EVC: variants seen among roughly 807,000 people sequenced by gnomAD.
EVC encodes evC complex member EVC.
A neutral mutation model predicts 118.9 loss-of-function variants in EVC; 116 were observed. The ratio of observed to expected loss-of-function variants is 0.98; its 90% CI spans 0.84 to 1.14. The LOEUF (loss-of-function observed/expected upper bound fraction) is 1.14. Ranked by LOEUF, EVC falls within the 50% of genes most tolerant of loss-of-function variation. The probability of loss-of-function intolerance (pLI) is 0.00; values close to 1 mark genes in which losing one functional copy is unlikely to be tolerated. For synonymous variants in EVC, 619 were observed against 534.7 expected, an observed-to-expected ratio of 1.16 and a Z score of -2.18; for missense variants, 1,401 against 1,246.4, an observed-to-expected ratio of 1.12 and a Z score of -1.87.
intron 5 of EVC, 105 bp downstream of exon 5, chr4:5,733,540 G>A (rs1244713432): frequency 4.9e-6 from 5 of 1,011,108 alleles, no homozygotes; most frequent in Admixed American, 1.7e-5. Context: ...GCAGACATCA[G>A]TGGAAACAGA....
intron 1 of EVC, among the ~76,000 whole-genome samples, chr4:5,714,109 T>G (rs1723542032): frequency 6.6e-6 from 1 of 152,178 alleles, no homozygotes; most frequent in Admixed American, 6.5e-5. Context: ...GGTCCTTTCT[T>G]AGACTCTATC....
chr4:5,796,467 T>C (rs776797367), intron 13 of EVC, among the ~76,000 whole-genome samples: 11 of 152,084 alleles, frequency 7.2e-5, no homozygotes, highest in Non-Finnish European at 1.5e-5. Flanking sequence ...ACTCCACCCA[T>C]GTTGGAATTT....
At chr4:5,785,778 G>T (rs1484326531) in intron 12 of EVC, among the ~76,000 whole-genome samples, 3 of 152,232 alleles carry the variant, frequency 2.0e-5, no homozygotes, top group Non-Finnish European at 1.5e-5. Context: ...CAATAATGCA[G>T]CTTTGGAAAT....
the EVC span, chr4:5,821,698 C>A: frequency 5.4e-6 from 8 of 1,478,128 alleles, no homozygotes; most frequent in Non-Finnish European, 7.4e-6. This position sits in a 1 kb window ranked among gnomAD's most constrained non-coding sequence, Gnocchi z 4.4. Flanking sequence ...AAAACACTGA[C>A]AGGAAAAGGG....
chr4:5,731,048 G>A lies in EVC; in HGVS notation c.385-377G>A, dbSNP rs970634587. On this transcript the variant is annotated intron_variant, in intron 3 of 20. Transcript: ENST00000264956. The surrounding 1 kb of genome is among the most constrained non-coding windows in gnomAD (Gnocchi z 5.6). ...TTGGCAGGATTCGTGGAGGGAGCAGGCCAGGGGGTCAGCAGCAAGGAGAGA... is the reference window on the plus strand; with the variant it reads ...TTGGCAGGATTCGTGGAGGGAGCAGACCAGGGGGTCAGCAGCAAGGAGAGA... 6.6e-6 allele frequency among the ~76,000 whole-genome samples: 1 copy of A among 152,048 alleles called. No homozygotes were observed. Among genetic ancestry groups the A allele is most frequent in the Admixed American group, 6.5e-5 (1 of 15,270 alleles).
At position 5,804,852 on chromosome 4, in the gene EVC, A is replaced by G; in HGVS notation, c.2561+11A>G. The G allele has an allele frequency of 1.9e-6, 3 of 1,608,386 alleles. No individual in the cohort carries two copies. The highest frequency in any genetic ancestry group is 2.6e-6 in the Non-Finnish European group (3 of 1,175,102). The stretch of plus-strand genomic sequence containing the variant: ...GGCGGTCCACCAGAGGTGAGGTCCC[A>G]ACTGAGGTCCCACGTAGGGCTGTTC... On this transcript the variant is annotated intron_variant, in intron 17 of 20. Transcript: ENST00000264956.
the EVC span, chr4:5,825,456 T>C: frequency 3.3e-6 from 5 of 1,535,124 alleles, no homozygotes; most frequent in Middle Eastern, 1.7e-4. This position sits in a 1 kb window ranked among gnomAD's most constrained non-coding sequence, Gnocchi z 4.4. Flanking sequence ...CCTGAACTGC[T>C]GCAATTGTGG....
chr4:5,781,243 G>C (rs1427614714), intron 11 of EVC, among the ~76,000 whole-genome samples: 1 of 152,162 alleles, frequency 6.6e-6, no homozygotes, highest in East Asian at 1.9e-4. Context: ...TTGGGGCATG[G>C]CTTATTCAGG....
Position 5,731,494 on chromosome 4 carries a change from C to G in EVC, c.454C>G (p.Pro152Ala), listed in dbSNP as rs1726808780. Residue 152 changes from proline (P) to alanine (A), a missense_variant, in exon 4 of 21, where the codon CCG becomes GCG. Coordinates refer to ENST00000264956, the MANE Select transcript of EVC (RefSeq NM_153717.3). This position sits in a 1 kb window ranked among gnomAD's most constrained non-coding sequence, Gnocchi z 5.6. ...AAAGCAGGCTGTTTTGCCACACCAG[C>G]CGGTAGAGGCCTCTCCTTCCAGCAG... Reference protein sequence around the residue: ...NLKQAVLPHQPVEASPSSSLG... With the variant: ...NLKQAVLPHQAVEASPSSSLG... The G allele has an allele frequency of 1.2e-6, 2 of 1,614,100 alleles. No individual in the cohort carries two copies. Among genetic ancestry groups the G allele is most frequent in the Non-Finnish European group, 1.7e-6 (2 of 1,180,022 alleles).
intron 11 of EVC, among the ~76,000 whole-genome samples, chr4:5,774,806 C>G (rs576567676): frequency 6.6e-6 from 1 of 152,134 alleles, no homozygotes; most frequent in Non-Finnish European, 1.5e-5. Context: ...CCTTTACACA[C>G]ACTGGGAAAG....
chr4:5,799,040 G>A (rs1295690878), intron 15 of EVC, among the ~76,000 whole-genome samples: 5 of 152,176 alleles, frequency 3.3e-5, no homozygotes, highest in Non-Finnish European at 7.3e-5. Context: ...ATCATCCTGA[G>A]CACTGGCTCT....
chr4:5,733,670 A>T (rs369296355), intron 5 of EVC, among the ~76,000 whole-genome samples: 1 of 152,252 alleles, frequency 6.6e-6, no homozygotes, highest in Non-Finnish European at 1.5e-5. Context: ...GGGCCTCAGC[A>T]GAAAGATGAG....
chr4:5,808,171 C>T, intron 17 of EVC, 30 bp from the exon 18 acceptor site: 1 of 1,398,540 alleles, frequency 7.2e-7, no homozygotes, highest in African/African-American at 1.5e-5. Flanking sequence ...TCCTTCCTCC[C>T]TGCCAGCCTG....
chr4:5,745,516 A>G (rs1242780028), intron 7 of EVC, among the ~76,000 whole-genome samples, 175 bp downstream of exon 7: 1 of 152,270 alleles, frequency 6.6e-6, no homozygotes, highest in Non-Finnish European at 1.5e-5. Context: ...GAAGTAATTA[A>G]GCAGCAAAGA....
intron 1 of EVC, among the ~76,000 whole-genome samples, chr4:5,713,527 A>C (rs1193113021): frequency 6.6e-6 from 1 of 152,030 alleles, no homozygotes; most frequent in African/African-American, 2.4e-5. Flanking sequence ...AAAATACAAA[A>C]ATTAGCTGGC....
intron 11 of EVC, among the ~76,000 whole-genome samples, chr4:5,760,831 C>A (rs750554613): frequency 8.5e-5 from 13 of 152,138 alleles, no homozygotes; most frequent in Non-Finnish European, 1.3e-4. Context: ...GGATTATAGG[C>A]GTGAGCCACC....
intron 4 of EVC, among the ~76,000 whole-genome samples, 180 bp from the exon 5 acceptor site, chr4:5,733,171 A>G (rs529204775): frequency 2.6e-5 from 4 of 152,216 alleles, no homozygotes; most frequent in Admixed American, 6.5e-5. Flanking sequence ...GTGGGTTTCA[A>G]ACAGCTCATT....
chr4:5,726,319 C>T (rs1577345044), intron 2 of EVC, among the ~76,000 whole-genome samples: 1 of 152,214 alleles, frequency 6.6e-6, no homozygotes, highest in African/African-American at 2.4e-5. Flanking sequence ...TGCCTGTCTG[C>T]TTATCTTCAT....
rs4539985 is a variant in EVC at position 5,719,586 on chromosome 4, C to G, written c.300+213C>G. Among the ~76,000 whole-genome samples the G allele has an allele frequency of 6.6e-6, 1 of 151,892 alleles. No homozygotes were observed. Among genetic ancestry groups the G allele is most frequent in the East Asian group, 1.9e-4 (1 of 5,158 alleles). On this transcript the variant is annotated intron_variant, in intron 2 of 20. Transcript: ENST00000264956. The surrounding 1 kb of genome is among the most constrained non-coding windows in gnomAD (Gnocchi z 4.7). ...AATTGCATGCCCCTTAGAACAAATA[C>G]CCCCCTGAGAATGTTTTCATCACCC... is the stretch of plus-strand genomic sequence containing the variant.
Sources: allele counts gnomAD v4.1 joint callset (sites outside exome capture counted in the v4.1 genomes callset), GRCh38; gene constraint gnomAD v4.1.1; non-coding constraint Gnocchi (gnomAD v3.1); transcripts MANE v1.5; gene names NCBI Gene and HGNC (gene_info 2026-07-23, HGNC 2026-07-21).